BBOF1: variants seen among roughly 807,000 people sequenced by gnomAD.
BBOF1 encodes the protein basal body-orientation factor 1.
In BBOF1, 62 loss-of-function variants were observed where a neutral mutation model predicts 68.0. The observed-to-expected ratio is 0.91, with a 90% CI of 0.74 to 1.13. The LOEUF is 1.13. BBOF1 is among the 50% of genes most tolerant of loss of function. The pLI, the probability that BBOF1 is intolerant of heterozygous loss-of-function variation, is 0.00. For missense variants in BBOF1, 534 were observed against 600.1 expected (o/e 0.89, Z 1.15); for synonymous variants, 208 against 198.8 (o/e 1.05, Z -0.39).
At chr14:74,078,342 T>G in exon 10 of BBOF1, 4 of 432,992 alleles carry the variant, frequency 9.2e-6, no homozygotes, top group South Asian at 5.0e-5. Context: ...ATATGTGGAC[T>G]GGATGAAGAG....
chr14:74,025,487 G>A (rs1049121896), intron 2 of BBOF1, among the ~76,000 whole-genome samples: 1 of 152,138 alleles, frequency 6.6e-6, no homozygotes, highest in Non-Finnish European at 1.5e-5. Flanking sequence ...TTATAGTCAT[G>A]TTAATTATAG....
intron 5 of BBOF1, among the ~76,000 whole-genome samples, chr14:74,042,007 A>G (rs2059833921): frequency 6.6e-6 from 1 of 152,110 alleles, no homozygotes; most frequent in Non-Finnish European, 1.5e-5. Flanking sequence ...ACTGCCCTCC[A>G]TCCTGGGTGA....
At chr14:74,055,721 T>A in intron 9 of BBOF1, 36 bp downstream of exon 9, 1 of 1,486,108 alleles carries the variant, frequency 6.7e-7, no homozygotes, top group Non-Finnish European at 9.4e-7. Context: ...TACCAAGTTG[T>A]TATCAAATCT....
chr14:74,078,335 T>C (rs2060635531), exon 10 of BBOF1: 1 of 443,460 alleles, frequency 2.3e-6, no homozygotes, highest in African/African-American at 2.0e-5. Flanking sequence ...GATCAATATA[T>C]GTGGACTGGA....
At position 74,055,628 on chromosome 14, in the gene BBOF1, A is replaced by C; in HGVS notation, c.1331A>C (p.Glu444Ala). The C allele has an allele frequency of 6.2e-7, 1 of 1,613,936 alleles. No homozygotes were observed. The highest frequency in any genetic ancestry group is 8.5e-7 in the Non-Finnish European group (1 of 1,179,906). The change falls in exon 9 of 12, where the codon GAG becomes GCG. Residue 444 changes from glutamate (E) to alanine (A), a missense_variant. Coordinates refer to ENST00000394009, the MANE Select transcript of BBOF1 (RefSeq NM_025057.3). ...GNVDIGDLTW[E>A]QKEKVLRLLF... is the part of the protein sequence containing the mutation. ...GTGGATATTGGAGATTTGACCTGGG[A>C]GCAGAAGGAAAAAGTATTGCGATTG...
At chr14:74,074,714 C>T (rs2060593530) in intron 9 of BBOF1, among the ~76,000 whole-genome samples, 1 of 152,100 alleles carries the variant, frequency 6.6e-6, no homozygotes, top group Non-Finnish European at 1.5e-5. Context: ...GTAAAAACCA[C>T]TCTAAAGGTC....
At chr14:74,062,320 G>C (rs2060364314) in intron 11 of BBOF1, among the ~76,000 whole-genome samples, 1 of 151,632 alleles carries the variant, frequency 6.6e-6, no homozygotes, top group African/African-American at 2.4e-5. Flanking sequence ...GCTGTGACTA[G>C]GCCGGGTGCG....
At chr14:74,035,439 C>CA (rs2059674833) in intron 4 of BBOF1, among the ~76,000 whole-genome samples, 1 of 113,568 alleles carries the variant, frequency 8.8e-6, no homozygotes, top group African/African-American at 3.4e-5. Context: ...TTTTTTGAGA[C>CA]AGAGTCTTAC....
At chr14:74,076,319 T>C (rs2060612345) in intron 9 of BBOF1, among the ~76,000 whole-genome samples, 1 of 152,202 alleles carries the variant, frequency 6.6e-6, no homozygotes, top group African/African-American at 2.4e-5. Flanking sequence ...TTCAACAAGA[T>C]AACTCTCAAA....
chr14:74,060,469 TA>T (rs2060314510), intron 11 of BBOF1: 1 of 631,892 alleles, frequency 1.6e-6, no homozygotes, highest in Non-Finnish European at 2.9e-6. Context: ...GTTTCATTGT[TA>T]CACTAGGCAG....
intron 8 of BBOF1, among the ~76,000 whole-genome samples, chr14:74,052,644 CA>C (rs112439607): frequency 9.3e-4 from 123 of 132,912 alleles, no homozygotes; most frequent in Middle Eastern, 4.2e-3. Context: ...GACTCCATCT[CA>C]AAAAAAAAAA....
In BBOF1 at chr14:74,065,295, T is replaced by C; in HGVS notation, c.*596T>C. The C allele has an allele frequency of 1.2e-6, 2 of 1,614,188 alleles. No homozygotes were observed. The highest frequency in any genetic ancestry group is 1.7e-6 in the Non-Finnish European group (2 of 1,180,030). On this transcript the variant is annotated 3_prime_UTR_variant, in exon 12 of 12. Transcript: ENST00000394009. The stretch of plus-strand genomic sequence containing the variant: ...TTACAATCTGGATGGCTTCATCCAA[T>C]GTTTCTGTCTCCAGAACCACAAGAA...
In BBOF1 at chr14:74,034,781, A is replaced by T. The variant is rs528928321; in HGVS notation, c.495+610A>T. ...TCCATACCTTGGTTTCCTTATCTGT[A>T]AAATGGGATAGTAAGAGTTAGTATC... On this transcript the variant is annotated intron_variant, in intron 4 of 11. Coordinates refer to ENST00000394009, the MANE Select transcript of BBOF1 (RefSeq NM_025057.3). 1.5e-3 allele frequency among the ~76,000 whole-genome samples: 223 copies of T among 152,304 alleles called. 1 individual carries two copies. The highest frequency in any genetic ancestry group is 5.2e-3 in the African/African-American group (217 of 41,576).
intron 9 of BBOF1, among the ~76,000 whole-genome samples, chr14:74,073,404 C>T (rs1227892547): frequency 1.3e-5 from 2 of 151,316 alleles, no homozygotes; most frequent in African/African-American, 2.5e-5. Flanking sequence ...CGTGCCCAGA[C>T]TATAGTATAT....
intron 4 of BBOF1, among the ~76,000 whole-genome samples, chr14:74,038,225 T>A (rs10459548): frequency 0.12 from 18,890 of 152,236 alleles, 1,896 homozygotes; most frequent in East Asian, 0.57. Context: ...GGTCTTTTGT[T>A]AAAAACATAA....
chr14:74,041,804 A>G (rs1185083898), intron 5 of BBOF1, among the ~76,000 whole-genome samples: 2 of 152,174 alleles, frequency 1.3e-5, no homozygotes, highest in East Asian at 1.9e-4. Flanking sequence ...TGGTAGGCCA[A>G]GGTGGGCGGA....
chr14:74,074,895 A>T, intron 9 of BBOF1: 1 of 1,532,252 alleles, frequency 6.5e-7, no homozygotes, highest in Non-Finnish European at 9.0e-7. Flanking sequence ...GAAGATAGAG[A>T]TACCCAAAAC....
At chr14:74,038,736 G>T (rs1315781602) in intron 4 of BBOF1, among the ~76,000 whole-genome samples, 1 of 152,118 alleles carries the variant, frequency 6.6e-6, no homozygotes, top group East Asian at 1.9e-4. Context: ...GGGCACAGTG[G>T]CTCATGCCTG....
Position 74,064,908 on chromosome 14 carries a change from C to A in BBOF1, c.*209C>A, listed in dbSNP as rs2060434751. ...ATTGGCAAAGGCACTGGAATGGGGA[C>A]ATTCACTCCCACCTAAAACAGAACA... On this transcript the variant is annotated 3_prime_UTR_variant, in exon 12 of 12. Transcript: ENST00000394009. 6.2e-7 allele frequency: 1 copy of A among 1,613,592 alleles called. No homozygotes were observed. Among genetic ancestry groups the A allele is most frequent in the Non-Finnish European group, 8.5e-7 (1 of 1,179,750 alleles).
Sources: allele counts gnomAD v4.1 joint callset (sites outside exome capture counted in the v4.1 genomes callset), GRCh38; gene constraint gnomAD v4.1.1; transcripts MANE v1.5; gene names NCBI Gene and HGNC (gene_info 2026-07-23, HGNC 2026-07-21).